The following EPG5 variants were observed in gnomAD, a reference collection of about 807,000 sequenced individuals.
The protein encoded by EPG5 is ectopic P-granules 5 autophagy tethering factor, also known as ectopic P granules protein 5 homolog.
Under a neutral mutation model 302.7 loss-of-function variants are expected in EPG5, and 159 were observed. That is an observed-to-expected ratio of 0.53 (90% confidence interval 0.46 to 0.60). The LOEUF is 0.60. Among genes scored for constraint, EPG5 ranks in the 20% least tolerant of loss-of-function variants. The pLI is 0.00. For missense variants in EPG5, 2,896 were observed against 3,092.4 expected, an observed-to-expected ratio of 0.94 and a Z score of 1.51; for synonymous variants, 1,158 against 1,136.8, an observed-to-expected ratio of 1.02 and a Z score of -0.37.
intron 2 of EPG5, chr18:45,953,750 C>G: frequency 1.0e-6 from 1 of 985,332 alleles, no homozygotes; most frequent in Non-Finnish European, 1.2e-6. Context: ...GTTTCACTCT[C>G]ATTTTGTCCA....
At chr18:45,953,270 T>C in intron 2 of EPG5, 6 of 982,352 alleles carry the variant, frequency 6.1e-6, no homozygotes, top group Non-Finnish European at 7.3e-6. Flanking sequence ...ATTTTATGAA[T>C]ATGAAGCCAA....
intron 22 of EPG5, among the ~76,000 whole-genome samples, chr18:45,911,089 A>G (rs2049885409): frequency 7.0e-6 from 1 of 142,720 alleles, no homozygotes; most frequent in Non-Finnish European, 1.5e-5. Flanking sequence ...ACACACACAC[A>G]CACACACACA....
intron 29 of EPG5, among the ~76,000 whole-genome samples, chr18:45,885,330 T>C (rs540218816): frequency 2.4e-4 from 36 of 151,956 alleles, no homozygotes; most frequent in African/African-American, 7.2e-4. Context: ...CAGAGCAAGA[T>C]GCCGTCTCAA....
downstream of EPG5, among the ~76,000 whole-genome samples, chr18:45,844,944 G>A (rs1435212794): frequency 6.6e-6 from 1 of 152,200 alleles, no homozygotes; most frequent in East Asian, 1.9e-4. Flanking sequence ...TCTGCTTTGT[G>A]CTCTATCACC....
chr18:45,915,084 GC>G (rs1323065166), intron 20 of EPG5, among the ~76,000 whole-genome samples: 2 of 152,154 alleles, frequency 1.3e-5, no homozygotes, highest in East Asian at 3.9e-4. Context: ...TTCGAGACCA[GC>G]CTGACCAACA....
At chr18:45,839,627 G>A in the EPG5 span, among the ~76,000 whole-genome samples, 3 of 152,128 alleles carry the variant, frequency 2.0e-5, no homozygotes, top group African/African-American at 4.8e-5. Context: ...CCCTCTGGTG[G>A]GGCATCTGGA....
At chr18:45,839,219 T>C in the EPG5 span, 1 of 1,258,544 alleles carries the variant, frequency 7.9e-7, no homozygotes, top group Non-Finnish European at 1.0e-6. Context: ...CTATGCATCG[T>C]GGCGCTTTCC....
rs929785079 is a variant in EPG5 at position 45,847,744 on chromosome 18, T to C, written c.*4723A>G. 4.6e-5 allele frequency: 7 copies of C among 152,576 alleles called. No individual in the cohort carries two copies. Among genetic ancestry groups the C allele is most frequent in the Non-Finnish European group, 8.8e-5 (6 of 68,042 alleles). The allele number at this position is 152,576 out of a possible 1,614,324, so 9.5% of individuals were successfully genotyped here. A position where few individuals can be genotyped will look rare whatever the true frequency, so the allele number is the denominator to read the frequency against. ...TGTGGAACAATGAATAAGTAGTGAA[T>C]ATTGCACATTTAATGTCCAAAATAA... On this transcript the variant is annotated 3_prime_UTR_variant, in exon 44 of 44. Coordinates refer to ENST00000282041, the MANE Select transcript of EPG5 (RefSeq NM_020964.3).
intron 42 of EPG5, among the ~76,000 whole-genome samples, chr18:45,856,475 T>C (rs2048518162): frequency 6.6e-6 from 1 of 152,186 alleles, no homozygotes; most frequent in Admixed American, 6.5e-5. Context: ...TAGATTGTGG[T>C]GATGGCTACA....
chr18:45,941,172 C>T (rs1568174781), intron 9 of EPG5, among the ~76,000 whole-genome samples: 1 of 152,078 alleles, frequency 6.6e-6, no homozygotes, highest in Non-Finnish European at 1.5e-5. Context: ...AATGAAACAA[C>T]CAAGGAGGCA....
chr18:45,923,660 C>G (rs1177055050), intron 14 of EPG5, among the ~76,000 whole-genome samples: 1 of 152,166 alleles, frequency 6.6e-6, no homozygotes, highest in African/African-American at 2.4e-5. Context: ...CCCATTCCAC[C>G]CAAGAATCTC....
intron 1 of EPG5, among the ~76,000 whole-genome samples, chr18:45,957,466 C>T (rs901278731): frequency 6.6e-6 from 1 of 152,106 alleles, no homozygotes; most frequent in Admixed American, 6.5e-5. Context: ...AACTATGCTG[C>T]AATGATGTTT....
chr18:45,832,014 G>A, the EPG5 span, among the ~76,000 whole-genome samples: 2 of 152,234 alleles, frequency 1.3e-5, no homozygotes, highest in Non-Finnish European at 2.9e-5. Flanking sequence ...TTACAGGCGT[G>A]AGCCGCCACG....
intron 43 of EPG5, 197 bp downstream of exon 43, chr18:45,855,376 G>A (rs890769541): frequency 2.3e-5 from 12 of 521,868 alleles, no homozygotes; most frequent in South Asian, 1.4e-4. Context: ...CAGTAGCAGC[G>A]ATCTAGACAA....
chr18:45,871,980 A>G (rs1017595498), intron 35 of EPG5, among the ~76,000 whole-genome samples: 1 of 152,250 alleles, frequency 6.6e-6, no homozygotes, highest in African/African-American at 2.4e-5. Context: ...GGTGATGGAT[A>G]TCTTAATTAT....
intron 39 of EPG5, among the ~76,000 whole-genome samples, chr18:45,864,253 T>C (rs1000474500): frequency 9.2e-5 from 14 of 152,174 alleles, no homozygotes; most frequent in East Asian, 1.9e-4. Context: ...AGCTCACTTT[T>C]ACGTTCCTTC....
At chr18:45,917,131 T>C (rs1308303869) in intron 17 of EPG5, among the ~76,000 whole-genome samples, 8 of 152,328 alleles carry the variant, frequency 5.3e-5, no homozygotes, top group South Asian at 4.1e-4. Flanking sequence ...CTTGTGCCTT[T>C]GGATGTACTT....
chr18:45,879,988 G>A (rs549174888), intron 32 of EPG5, 87 bp downstream of exon 32: 22 of 1,401,622 alleles, frequency 1.6e-5, no homozygotes, highest in Non-Finnish European at 2.0e-5. Flanking sequence ...TAAAGATAAT[G>A]CACAAGTTTT....
intron 22 of EPG5, among the ~76,000 whole-genome samples, chr18:45,911,633 C>T (rs1413615641): frequency 6.6e-6 from 1 of 152,042 alleles, no homozygotes; most frequent in Non-Finnish European, 1.5e-5. Context: ...GACAGAGTTT[C>T]ACCATGTTGG....
Sources: allele counts gnomAD v4.1 joint callset (sites outside exome capture counted in the v4.1 genomes callset), GRCh38; gene constraint gnomAD v4.1.1; transcripts MANE v1.5; gene names NCBI Gene and HGNC (gene_info 2026-07-23, HGNC 2026-07-21).